The following RANBP2 variants were observed in gnomAD, a reference collection of about 807,000 sequenced individuals.
The protein encoded by RANBP2 is RAN binding protein 2.
Under a neutral mutation model 303.6 loss-of-function variants are expected in RANBP2, and 57 were observed. The observed-to-expected ratio is 0.19, with a 90% confidence interval of 0.15 to 0.23. The LOEUF is 0.23. Ranked by LOEUF, RANBP2 falls within the 10% of genes least tolerant of loss-of-function variation. The pLI is 1.00. For synonymous variants in RANBP2, 1,167 were observed against 1,301.5 expected, an observed-to-expected ratio of 0.90 and a Z score of 2.23; for missense variants, 3,138 against 3,780.8, an observed-to-expected ratio of 0.83 and a Z score of 4.46.
chr2:109,691,179 G>A, the RANBP2 span, among the ~76,000 whole-genome samples: 1 of 152,186 alleles, frequency 6.6e-6, no homozygotes, highest in African/African-American at 2.4e-5. Context: ...TAGCAAGTGT[G>A]TTTAAAGAAA....
chr2:109,494,688 G>C, the RANBP2 span, among the ~76,000 whole-genome samples: 9 of 152,322 alleles, frequency 5.9e-5, no homozygotes, highest in Non-Finnish European at 1.0e-4. Context: ...CTGTGATCAT[G>C]AAAGTGGGAA....
At chr2:109,093,792 T>G in the RANBP2 span, among the ~76,000 whole-genome samples, 1 of 152,240 alleles carries the variant, frequency 6.6e-6, no homozygotes, top group Non-Finnish European at 1.5e-5. Flanking sequence ...CCGTTTTGTC[T>G]TCTTGCCACT....
chr2:109,732,715 G>A, the RANBP2 span: 98 of 614,792 alleles, frequency 1.6e-4, no homozygotes, highest in African/African-American at 8.5e-4. Flanking sequence ...TGATCCGCCC[G>A]CCTTGGTTTA....
At chr2:109,230,937 AG>A in the RANBP2 span, among the ~76,000 whole-genome samples, 1 of 152,212 alleles carries the variant, frequency 6.6e-6, no homozygotes, top group African/African-American at 2.4e-5. Flanking sequence ...ACAGGAAGGC[AG>A]GATAGGTCAA....
At chr2:108,916,575 A>G in the RANBP2 span, among the ~76,000 whole-genome samples, 1 of 151,772 alleles carries the variant, frequency 6.6e-6, no homozygotes, top group African/African-American at 2.4e-5. Flanking sequence ...CCCTCCAAAC[A>G]CCTCCAGCTG....
chr2:109,256,170 C>A, the RANBP2 span, among the ~76,000 whole-genome samples: 2 of 152,130 alleles, frequency 1.3e-5, no homozygotes, highest in Non-Finnish European at 2.9e-5. Context: ...GGCGGAGGCC[C>A]TCACTGAGTC....
chr2:109,666,961 C>A, the RANBP2 span, among the ~76,000 whole-genome samples: 1 of 152,154 alleles, frequency 6.6e-6, no homozygotes, highest in Non-Finnish European at 1.5e-5. Flanking sequence ...TGGGTGTCCA[C>A]TGAGGCAGTC....
the RANBP2 span, among the ~76,000 whole-genome samples, chr2:109,331,269 G>T: frequency 6.6e-6 from 1 of 152,090 alleles, no homozygotes; most frequent in African/African-American, 2.4e-5. Context: ...GCAGGGCTGG[G>T]TGCCAGAGCA....
the RANBP2 span, among the ~76,000 whole-genome samples, chr2:109,396,894 T>G: frequency 6.6e-6 from 1 of 152,264 alleles, no homozygotes; most frequent in African/African-American, 2.4e-5. Context: ...GTTCCCACCT[T>G]CGTGGATCTC....
At chr2:108,736,876 ATAT>A (rs1695627639) in intron 6 of RANBP2, among the ~76,000 whole-genome samples, 1 of 152,122 alleles carries the variant, frequency 6.6e-6, no homozygotes, top group African/African-American at 2.4e-5. Context: ...AATTTTGTTA[ATAT>A]TTATTGGAAT....
At chr2:109,100,846 G>A in the RANBP2 span, among the ~76,000 whole-genome samples, 53 of 152,338 alleles carry the variant, frequency 3.5e-4, no homozygotes, top group African/African-American at 1.3e-3. Flanking sequence ...TAAGGCTGCT[G>A]ACATCCAGCT....
the RANBP2 span, among the ~76,000 whole-genome samples, chr2:109,610,802 G>A: frequency 1.3e-5 from 2 of 152,126 alleles, no homozygotes; most frequent in Non-Finnish European, 2.9e-5. Flanking sequence ...TCCCTAAATC[G>A]ATATAAACAT....
chr2:109,673,666 C>T, the RANBP2 span, among the ~76,000 whole-genome samples: 8 of 151,708 alleles, frequency 5.3e-5, no homozygotes, highest in Non-Finnish European at 8.8e-5. Flanking sequence ...GAGTTCGAGA[C>T]GAGCCTGGCC....
the RANBP2 span, among the ~76,000 whole-genome samples, chr2:109,170,596 C>T: frequency 1.3e-4 from 20 of 152,200 alleles, no homozygotes; most frequent in Admixed American, 5.2e-4. Context: ...GTGATCCACC[C>T]GCCTCGGCCA....
the RANBP2 span, chr2:109,567,955 C>A: frequency 6.2e-7 from 1 of 1,611,638 alleles, no homozygotes; most frequent in Non-Finnish European, 8.5e-7. Flanking sequence ...TCTGCTTTGG[C>A]AATCACTGGT....
the RANBP2 span, among the ~76,000 whole-genome samples, chr2:109,647,926 C>G: frequency 6.6e-6 from 1 of 152,220 alleles, no homozygotes; most frequent in East Asian, 1.9e-4. Context: ...CACTCAGTGC[C>G]CACTGAGGCC....
the RANBP2 span, among the ~76,000 whole-genome samples, chr2:109,147,175 A>G: frequency 6.6e-6 from 1 of 152,114 alleles, no homozygotes; most frequent in African/African-American, 2.4e-5. Context: ...CACTTCCTCA[A>G]GGTGCCTGGG....
the RANBP2 span, among the ~76,000 whole-genome samples, chr2:109,211,073 A>G: frequency 1.3e-5 from 2 of 152,178 alleles, no homozygotes; most frequent in Admixed American, 1.3e-4. Context: ...GGTAGGGAGC[A>G]CACCTTTTTG....
At chr2:109,140,683 T>C in the RANBP2 span, among the ~76,000 whole-genome samples, 1 of 152,190 alleles carries the variant, frequency 6.6e-6, no homozygotes, top group Non-Finnish European at 1.5e-5. Context: ...GCCCGGCCAA[T>C]TTCATGCTTT....
Sources: allele counts gnomAD v4.1 joint callset (sites outside exome capture counted in the v4.1 genomes callset), GRCh38; gene constraint gnomAD v4.1.1; transcripts MANE v1.5; gene names NCBI Gene and HGNC (gene_info 2026-07-23, HGNC 2026-07-21).